The following PIK3CB variants were observed in gnomAD, a reference collection of about 807,000 sequenced individuals.
PIK3CB encodes phosphatidylinositol 4,5-bisphosphate 3-kinase catalytic subunit beta isoform.
A neutral mutation model predicts 136.8 loss-of-function variants in PIK3CB; 39 were observed. The ratio of observed to expected loss-of-function variants is 0.29; its 90% CI spans 0.22 to 0.37. The LOEUF (loss-of-function observed/expected upper bound fraction) is 0.37, where lower values mean the gene tolerates loss of function less well. Among genes scored for constraint, PIK3CB ranks in the 10% least tolerant of loss-of-function variants. PIK3CB has a pLI of 1.00. For synonymous variants in PIK3CB, 428 were observed against 436.6 expected (o/e 0.98, Z 0.25); for missense variants, 868 against 1,275.4 (o/e 0.68, Z 4.87).
chr3:138,774,636 T>C (rs2045837762), intron 2 of PIK3CB, among the ~76,000 whole-genome samples: 1 of 152,194 alleles, frequency 6.6e-6, no homozygotes, highest in Admixed American at 6.5e-5. Context: ...CCACATGTAA[T>C]TGCAATGAGA....
At chr3:138,785,529 G>C (rs918395535) in intron 2 of PIK3CB, among the ~76,000 whole-genome samples, 2 of 152,112 alleles carry the variant, frequency 1.3e-5, no homozygotes, top group African/African-American at 2.4e-5. Context: ...CCAACCCCAT[G>C]CTCTCTGAAA....
At chr3:138,687,290 C>T (rs1192881760) in intron 16 of PIK3CB, among the ~76,000 whole-genome samples, 2 of 150,980 alleles carry the variant, frequency 1.3e-5, no homozygotes, top group African/African-American at 2.4e-5. Context: ...CTTTTATTGT[C>T]TTTAACATCA....
chr3:138,775,058 T>G (rs914725554), intron 2 of PIK3CB, among the ~76,000 whole-genome samples: 1 of 152,218 alleles, frequency 6.6e-6, no homozygotes, highest in Non-Finnish European at 1.5e-5. Context: ...AAAATGCTTC[T>G]GTGTGTAGCT....
In PIK3CB at chr3:138,707,201, T is replaced by C; in HGVS notation, c.1488A>G (p.Pro496=). ...ENATALHVKF[P]ENKKQPYYYP... is the part of the protein sequence containing the mutation. ...AATAATAAGGTTGTTTTTTATTCTCTGGAAATTTAACATGCAAAGCTGTTG... is the reference window on the plus strand; with the variant it reads ...AATAATAAGGTTGTTTTTTATTCTCCGGAAATTTAACATGCAAAGCTGTTG... Residue 496 remains proline, a synonymous_variant, in exon 11 of 24, where the codon CCA becomes CCG. Transcript: ENST00000674063. 1.2e-6 allele frequency: 2 copies of C among 1,612,770 alleles called. No homozygotes were observed. The highest frequency in any genetic ancestry group is 1.7e-6 in the Non-Finnish European group (2 of 1,178,940).
intron 2 of PIK3CB, among the ~76,000 whole-genome samples, chr3:138,775,978 A>G (rs921261164): frequency 6.6e-6 from 1 of 152,196 alleles, no homozygotes; most frequent in African/African-American, 2.4e-5. Flanking sequence ...TGGGTGGATC[A>G]CCTGAGGTCA....
intron 1 of PIK3CB, among the ~76,000 whole-genome samples, chr3:138,822,869 A>G (rs1438091113): frequency 1.4e-5 from 2 of 147,788 alleles, no homozygotes; most frequent in South Asian, 4.2e-4. Context: ...TACGAAATAT[A>G]TATGAAATAT....
At chr3:138,726,389 G>C (rs911562882) in intron 8 of PIK3CB, among the ~76,000 whole-genome samples, 1 of 152,132 alleles carries the variant, frequency 6.6e-6, no homozygotes, top group Non-Finnish European at 1.5e-5. Context: ...TAAACACTAG[G>C]GGGGTGAGGG....
intron 10 of PIK3CB, among the ~76,000 whole-genome samples, chr3:138,711,472 G>C (rs773174917): frequency 1.9e-4 from 29 of 150,762 alleles, no homozygotes; most frequent in Admixed American, 1.6e-3. Context: ...CCAGCTAGCA[G>C]GGAGGCTGAG....
intron 2 of PIK3CB, among the ~76,000 whole-genome samples, chr3:138,781,998 C>A (rs956182898): frequency 6.6e-6 from 1 of 152,224 alleles, no homozygotes; most frequent in Non-Finnish European, 1.5e-5. Flanking sequence ...TTTCCTTGCA[C>A]TAAATTGCTA....
At chr3:138,816,057 T>C (rs565854084) in intron 1 of PIK3CB, among the ~76,000 whole-genome samples, 45 of 152,350 alleles carry the variant, frequency 3.0e-4, no homozygotes, top group African/African-American at 1.1e-3. Context: ...ATCCCAGCAC[T>C]TTGGGAGACC....
intron 1 of PIK3CB, among the ~76,000 whole-genome samples, chr3:138,823,745 C>T (rs1933662579): frequency 1.3e-5 from 2 of 152,040 alleles, no homozygotes; most frequent in African/African-American, 4.8e-5. Flanking sequence ...AAAAAACTAT[C>T]AGTAGGCTAA....
intron 1 of PIK3CB, among the ~76,000 whole-genome samples, chr3:138,821,909 T>C (rs1933577374): frequency 6.6e-6 from 1 of 152,212 alleles, no homozygotes; most frequent in Non-Finnish European, 1.5e-5. Flanking sequence ...CCCAGCACTT[T>C]GGGAGGCTGA....
chr3:138,695,931 ATTTTTTTT>A (rs34470924), intron 13 of PIK3CB, among the ~76,000 whole-genome samples: 53 of 90,810 alleles, frequency 5.8e-4, no homozygotes, highest in East Asian at 4.0e-3. Context: ...AATTTTTTGT[ATTTTTTTT>A]TTTTTTTTTT....
intron 19 of PIK3CB, among the ~76,000 whole-genome samples, chr3:138,666,752 A>G (rs532544785): frequency 1.3e-5 from 2 of 152,320 alleles, no homozygotes; most frequent in Non-Finnish European, 2.9e-5. Flanking sequence ...GGTACAGCTA[A>G]CCAAGCATTG....
intron 1 of PIK3CB, among the ~76,000 whole-genome samples, chr3:138,831,665 G>A (rs552075207): frequency 1.1e-4 from 16 of 152,186 alleles, no homozygotes; most frequent in African/African-American, 3.4e-4. Context: ...AGTGGCTGAC[G>A]CCTGTAATCC....
At chr3:138,825,914 G>A (rs557712052) in intron 1 of PIK3CB, 14 of 1,561,790 alleles carry the variant, frequency 9.0e-6, no homozygotes, top group East Asian at 4.5e-5. Flanking sequence ...TCACGGCAAC[G>A]TTGCTGGTGA....
intron 1 of PIK3CB, among the ~76,000 whole-genome samples, chr3:138,802,808 T>C (rs1428096041): frequency 6.6e-6 from 1 of 152,180 alleles, no homozygotes; most frequent in African/African-American, 2.4e-5. Flanking sequence ...TGAATCTTCT[T>C]CAACTTTGCA....
chr3:138,685,877 C>T (rs570883434), intron 16 of PIK3CB, among the ~76,000 whole-genome samples: 3 of 152,272 alleles, frequency 2.0e-5, no homozygotes, highest in East Asian at 3.9e-4. Flanking sequence ...TGGCTCACGT[C>T]TGTAATCCCA....
chr3:138,777,107 A>T (rs2045867937), intron 2 of PIK3CB, among the ~76,000 whole-genome samples: 1 of 152,178 alleles, frequency 6.6e-6, no homozygotes, highest in African/African-American at 2.4e-5. Flanking sequence ...GGCTGTGGGC[A>T]AAGTCATCTC....
Sources: gnomAD v4.1 joint callset for allele counts (sites outside exome capture counted in the v4.1 genomes callset) on GRCh38, gnomAD v4.1.1 for gene constraint, MANE v1.5 for transcripts, NCBI Gene and HGNC (gene_info 2026-07-23, HGNC 2026-07-21) for gene names.